ACOT7: variants seen among roughly 807,000 people sequenced by gnomAD.
ACOT7 encodes acyl-CoA thioesterase 7.
ACOT7 carries 12 observed loss-of-function variants against 40.2 expected under a neutral mutation model. The observed-to-expected ratio is 0.30, with a 90% CI of 0.19 to 0.48. The LOEUF is 0.48. Ranked by LOEUF, ACOT7 falls within the 20% of genes least tolerant of loss-of-function variation. The pLI, the probability that ACOT7 is intolerant of heterozygous loss-of-function variation, is 0.99. For synonymous variants in ACOT7, 228 were observed against 219.5 expected, an observed-to-expected ratio of 1.04 and a Z score of -0.34; for missense variants, 395 against 530.8, an observed-to-expected ratio of 0.74 and a Z score of 2.51.
Position 6,288,131 on chromosome 1 carries a change from T to A in ACOT7, c.829+6733A>T, listed in dbSNP as rs1639557316. ...AGCTCCCATTAGGGGCTCCACTGCT[T>A]GCCTGGGGGGCGGAGGCTCTCCCAC... On this transcript the variant is annotated intron_variant, in intron 7 of 8. Transcript: ENST00000361521. The surrounding 1 kb of genome is among the most constrained non-coding windows in gnomAD (Gnocchi z 4.3). Among the ~76,000 whole-genome samples, 3 of 151,980 alleles carry A rather than the reference T, an allele frequency of 2.0e-5. No homozygotes were observed. The South Asian group carries it at 6.2e-4, about 31-fold the overall frequency.
intron 1 of ACOT7, among the ~76,000 whole-genome samples, chr1:6,371,008 G>A (rs1210324561): frequency 4.0e-5 from 6 of 150,534 alleles, no homozygotes; most frequent in East Asian, 4.0e-4. Flanking sequence ...ACAGGGTTTC[G>A]CCATCTTGGC....
chr1:6,282,666 G>T lies in ACOT7; in HGVS notation c.830-1380C>A, dbSNP rs895276062. 1.6e-6 allele frequency: 2 copies of T among 1,264,606 alleles called. No homozygotes were observed. Among genetic ancestry groups the T allele is most frequent in the Non-Finnish European group, 2.1e-6 (2 of 953,880 alleles). The allele number at this position is 1,264,606 out of a possible 1,614,324, so 78.3% of individuals were successfully genotyped here. A position where few individuals can be genotyped will look rare whatever the true frequency, so the allele number is the denominator to read the frequency against. On this transcript the variant is annotated intron_variant, in intron 7 of 8. Transcript: ENST00000361521. The surrounding 1 kb of genome is among the most constrained non-coding windows in gnomAD (Gnocchi z 4.5). ...GGTTAGCAGGCCAGAGGCAAGAGCG[G>T]TTATTCCATGTTAAAAAGTATCAGA...
In ACOT7 at chr1:6,392,902, C is replaced by G. The variant is rs189730645; in HGVS notation, c.143+355G>C. On this transcript the variant is annotated intron_variant, in intron 1 of 8. Coordinates refer to ENST00000361521, the MANE Select transcript of ACOT7 (RefSeq NM_007274.4). ...GGCTCCGGGATGCTCGGGCGAGGCCCGAGGCGGGGCGGCCCACGGGCGCCG... is the reference window on the plus strand; with the variant it reads ...GGCTCCGGGATGCTCGGGCGAGGCCGGAGGCGGGGCGGCCCACGGGCGCCG... Among the ~76,000 whole-genome samples, 591 of 152,198 alleles carry G rather than the reference C, an allele frequency of 3.9e-3. 3 individuals carry two copies. The highest frequency in any genetic ancestry group is 0.014 in the African/African-American group (569 of 41,554).
chr1:6,271,237 G>A (rs1302992116), intron 8 of ACOT7, among the ~76,000 whole-genome samples: 3 of 152,206 alleles, frequency 2.0e-5, no homozygotes, highest in African/African-American at 4.8e-5. Flanking sequence ...TATGGAGGAC[G>A]AGTGACTAAG....
rs1013138072 is a variant in ACOT7, at chr1:6,355,896, C to T, written c.144-6030G>A. 1.3e-5 allele frequency among the ~76,000 whole-genome samples: 2 copies of T among 152,086 alleles called. No homozygotes were observed. Among genetic ancestry groups the T allele is most frequent in the African/African-American group, 4.8e-5 (2 of 41,416 alleles). On this transcript the variant is annotated intron_variant, in intron 1 of 8. Transcript: ENST00000361521. The surrounding 1 kb of genome is among the most constrained non-coding windows in gnomAD (Gnocchi z 5.0). ...TGGCAGGGAGGGGAGCCGCTCCTGC[C>T]CCCTGGCCTCACCTTGAGGGCTGGC...
In ACOT7 at chr1:6,271,602, T is replaced by G. The variant is rs1158998984; in HGVS notation, c.1015-6907A>C. On this transcript the variant is annotated intron_variant, in intron 8 of 8. Transcript: ENST00000361521. ...CTGAGGACCTTGCCTTAGCGGAGCCTGTCCGCCATCCGCTGTGGCCTCTCC... is the reference window on the plus strand; with the variant it reads ...CTGAGGACCTTGCCTTAGCGGAGCCGGTCCGCCATCCGCTGTGGCCTCTCC... Among the ~76,000 whole-genome samples, 3 of 152,138 alleles carry G rather than the reference T, an allele frequency of 2.0e-5. No individual in the cohort carries two copies. The East Asian group carries it at 5.8e-4, about 29-fold the overall frequency.
At chr1:6,341,480 C>G (rs145354154) in intron 2 of ACOT7, among the ~76,000 whole-genome samples, 2 of 151,782 alleles carry the variant, frequency 1.3e-5, no homozygotes, top group Non-Finnish European at 2.9e-5. Flanking sequence ...TGGTGGCTCA[C>G]GCCTGTAATC....
At position 6,355,329 on chromosome 1, in the gene ACOT7, G is replaced by A. The variant is rs147470142; in HGVS notation, c.144-5463C>T. ...CAGCTGTTTCCACACACGGTTAAAC[G>A]AAGCACTGCAAGGGTACTCACTGCA... On this transcript the variant is annotated intron_variant, in intron 1 of 8. Transcript: ENST00000361521. The surrounding 1 kb of genome is among the most constrained non-coding windows in gnomAD (Gnocchi z 5.0). Among the ~76,000 whole-genome samples the A allele has an allele frequency of 6.6e-6, 1 of 152,300 alleles. No individual in the cohort carries two copies. Among genetic ancestry groups the A allele is most frequent in the Non-Finnish European group, 1.5e-5 (1 of 68,026 alleles).
chr1:6,298,713 T>C (rs540545110), intron 6 of ACOT7, among the ~76,000 whole-genome samples: 9 of 152,146 alleles, frequency 5.9e-5, no homozygotes, highest in Admixed American at 2.0e-4. Context: ...AAGGTGCAGG[T>C]TGGCTAAGCC....
At chr1:6,382,221 T>C (rs1306759856) in intron 1 of ACOT7, among the ~76,000 whole-genome samples, 1 of 149,952 alleles carries the variant, frequency 6.7e-6, no homozygotes, top group Admixed American at 6.6e-5. Flanking sequence ...CTAGCCAACA[T>C]GGGGAAACCC....
intron 6 of ACOT7, among the ~76,000 whole-genome samples, chr1:6,305,996 G>C (rs1181205817): frequency 4.5e-4 from 68 of 152,088 alleles, no homozygotes; most frequent in East Asian, 1.7e-3. Context: ...AGACCAGCCC[G>C]GCCAACACAG....
At chr1:6,303,227 C>G (rs1381186998) in intron 6 of ACOT7, among the ~76,000 whole-genome samples, 1 of 152,080 alleles carries the variant, frequency 6.6e-6, no homozygotes, top group Non-Finnish European at 1.5e-5. Flanking sequence ...TACAGTCCAC[C>G]GCAGGCAGTC....
chr1:6,272,887 C>T lies in ACOT7; in HGVS notation c.1015-8192G>A, dbSNP rs181838387. The stretch of plus-strand genomic sequence containing the variant: ...CACTGAATCCTCTGGAAATCCCACC[C>T]ACGGGCCTCTCCTGGTACAGCCCCC... On this transcript the variant is annotated intron_variant, in intron 8 of 8. Transcript: ENST00000361521. Among the ~76,000 whole-genome samples the T allele has an allele frequency of 2.0e-4, 30 of 152,332 alleles. No homozygotes were observed. The East Asian group carries it at 4.3e-3, about 22-fold the overall frequency.
chr1:6,276,687 C>T (rs1639201591), intron 8 of ACOT7, among the ~76,000 whole-genome samples: 1 of 152,016 alleles, frequency 6.6e-6, no homozygotes, highest in Admixed American at 6.5e-5. Flanking sequence ...CACACACGTG[C>T]TCCCAGCCCA....
intron 1 of ACOT7, among the ~76,000 whole-genome samples, chr1:6,367,897 G>A (rs1642048853): frequency 6.6e-6 from 1 of 152,218 alleles, no homozygotes; most frequent in African/African-American, 2.4e-5. Context: ...TGGAGAGTGA[G>A]CAAGACAAAG....
At chr1:6,304,585 T>C (rs1171247486) in intron 6 of ACOT7, among the ~76,000 whole-genome samples, 1 of 133,208 alleles carries the variant, frequency 7.5e-6, no homozygotes, top group Non-Finnish European at 1.6e-5. Context: ...GATTAGGGAG[T>C]GGTGATGACT....
chr1:6,305,820 T>TG (rs890043926), intron 6 of ACOT7, among the ~76,000 whole-genome samples: 26 of 152,182 alleles, frequency 1.7e-4, no homozygotes, highest in African/African-American at 6.3e-4. Flanking sequence ...CTCGGCACTT[T>TG]GGGGGGCCAA....
intron 6 of ACOT7, among the ~76,000 whole-genome samples, chr1:6,316,524 T>C (rs541262429): frequency 1.4e-4 from 21 of 152,226 alleles, no homozygotes; most frequent in African/African-American, 4.3e-4. Context: ...ATATCTCACA[T>C]CAGGGCCGGG....
intron 5 of ACOT7, 87 bp downstream of exon 5, chr1:6,327,212 T>C: frequency 2.2e-6 from 3 of 1,343,344 alleles, no homozygotes; most frequent in Non-Finnish European, 2.1e-6. Flanking sequence ...ACCTCAAGCA[T>C]GAGGCTCACG....
Sources: allele counts gnomAD v4.1 joint callset (sites outside exome capture counted in the v4.1 genomes callset), GRCh38; gene constraint gnomAD v4.1.1; non-coding constraint Gnocchi (gnomAD v3.1); transcripts MANE v1.5; gene names NCBI Gene and HGNC (gene_info 2026-07-23, HGNC 2026-07-21).